Variants in CTNNA2 observed in about 807,000 individuals in gnomAD.
CTNNA2 encodes catenin alpha 2, also known as catenin alpha-2.
Under a neutral mutation model 101.0 loss-of-function variants are expected in CTNNA2, and 42 were observed. The observed-to-expected ratio is 0.42, with a 90% CI of 0.32 to 0.54. The LOEUF (loss-of-function observed/expected upper bound fraction) is 0.54, where lower values mean the gene tolerates loss of function less well. CTNNA2 is among the 20% of genes least tolerant of loss of function. The probability of loss-of-function intolerance (pLI) is 0.14; values close to 1 mark genes in which losing one functional copy is unlikely to be tolerated. For missense variants in CTNNA2, 871 were observed against 1,223.1 expected (o/e 0.71, Z 4.29); for synonymous variants, 450 against 456.4 (o/e 0.99, Z 0.18).
At chr2:79,846,487 T>G (rs772281465) in intron 3 of CTNNA2, among the ~76,000 whole-genome samples, 10 of 152,242 alleles carry the variant, frequency 6.6e-5, no homozygotes, top group Non-Finnish European at 1.5e-4. Context: ...AATTTGGAGA[T>G]GCCGTAATGA....
At chr2:79,899,091 C>T (rs1272998009) in intron 6 of CTNNA2, among the ~76,000 whole-genome samples, 1 of 152,050 alleles carries the variant, frequency 6.6e-6, no homozygotes, top group Non-Finnish European at 1.5e-5. Context: ...GTTCAAAACA[C>T]ACAGAGCTCA....
At chr2:80,520,101 T>A (rs1573112326) in intron 9 of CTNNA2, among the ~76,000 whole-genome samples, 10 of 152,150 alleles carry the variant, frequency 6.6e-5, no homozygotes, top group Admixed American at 6.5e-4. Context: ...CCTCCAGGAA[T>A]GCTGTTAAAA....
intron 9 of CTNNA2, among the ~76,000 whole-genome samples, chr2:80,467,280 G>T (rs572134235): frequency 2.0e-5 from 3 of 151,996 alleles, no homozygotes; most frequent in Non-Finnish European, 4.4e-5. Flanking sequence ...AAATAAGAAA[G>T]ATAAGGAAAA....
intron 7 of CTNNA2, among the ~76,000 whole-genome samples, chr2:79,937,207 TG>T (rs149505149): frequency 0.1 from 15,975 of 152,244 alleles, 1,105 homozygotes; most frequent in East Asian, 0.25. Context: ...CATCAATTTT[TG>T]TTTCAAATGT....
intron 3 of CTNNA2, among the ~76,000 whole-genome samples, chr2:79,749,221 C>G (rs570369335): frequency 1.0e-3 from 152 of 152,236 alleles, no homozygotes; most frequent in Non-Finnish European, 1.7e-3. Flanking sequence ...AGGTGGGCCA[C>G]TCCCAGATTC....
At chr2:79,558,047 G>A (rs993589025) in intron 1 of CTNNA2, among the ~76,000 whole-genome samples, 1 of 151,922 alleles carries the variant, frequency 6.6e-6, no homozygotes, top group Non-Finnish European at 1.5e-5. Flanking sequence ...CGTTCACAAA[G>A]AGACACTTCC....
At chr2:80,500,394 T>A (rs1687791704) in intron 9 of CTNNA2, among the ~76,000 whole-genome samples, 1 of 152,152 alleles carries the variant, frequency 6.6e-6, no homozygotes, top group African/African-American at 2.4e-5. Flanking sequence ...CATTCATCCA[T>A]CCACCCATCC....
chr2:79,521,167 T>A (rs1453554127), intron 1 of CTNNA2, among the ~76,000 whole-genome samples: 4 of 100,478 alleles, frequency 4.0e-5, no homozygotes, highest in South Asian at 3.4e-4. Flanking sequence ...TATATATATA[T>A]AAATTTTAAG....
chr2:79,759,722 C>T (rs1287511224), intron 3 of CTNNA2, among the ~76,000 whole-genome samples: 1 of 152,146 alleles, frequency 6.6e-6, no homozygotes, highest in Non-Finnish European at 1.5e-5. Flanking sequence ...GGGCTCTGAA[C>T]TGAGCTTTGT....
At chr2:80,197,405 C>A (rs1240051914) in intron 7 of CTNNA2, among the ~76,000 whole-genome samples, 2 of 152,170 alleles carry the variant, frequency 1.3e-5, no homozygotes, top group Non-Finnish European at 2.9e-5. Context: ...TTATTGCAGT[C>A]ACATCTTATG....
In CTNNA2 at chr2:80,405,285, G is replaced by A. The variant is rs568945443; in HGVS notation, c.1137+11994G>A. Among the ~76,000 whole-genome samples the A allele has an allele frequency of 4.6e-5, 7 of 152,034 alleles. No homozygotes were observed. The East Asian group carries it at 9.7e-4, about 21-fold the overall frequency. ...TTACTATCAAAAAGATTTTTTTTCC[G>A]AGTAGAGTATTGAAATTCCAATAAT... On this transcript the variant is annotated intron_variant, in intron 8 of 18. Coordinates refer to ENST00000402739, the MANE Select transcript of CTNNA2 (RefSeq NM_001282597.3).
chr2:79,647,777 G>A (rs1680925867), intron 1 of CTNNA2, among the ~76,000 whole-genome samples: 1 of 152,306 alleles, frequency 6.6e-6, no homozygotes, highest in East Asian at 1.9e-4. Context: ...TACAACAGCA[G>A]GCATTTACTT....
intron 3 of CTNNA2, among the ~76,000 whole-genome samples, chr2:79,794,651 A>G (rs1312445472): frequency 6.6e-6 from 1 of 152,204 alleles, no homozygotes; most frequent in South Asian, 2.1e-4. Flanking sequence ...TATAGGTTCT[A>G]TGCTGTACAG....
At chr2:80,119,508 A>G (rs997163929) in intron 7 of CTNNA2, among the ~76,000 whole-genome samples, 14 of 152,220 alleles carry the variant, frequency 9.2e-5, no homozygotes, top group African/African-American at 1.4e-4. Context: ...TAGTTTTGAT[A>G]TGTTCATGTA....
chr2:79,723,807 T>C (rs1374716445), intron 2 of CTNNA2, among the ~76,000 whole-genome samples: 1 of 152,194 alleles, frequency 6.6e-6, no homozygotes, highest in Non-Finnish European at 1.5e-5. Flanking sequence ...TCATTTTCCC[T>C]GCATCTTTTC....
chr2:79,365,811 C>G (rs1023789179), intron 3 of CTNNA2, among the ~76,000 whole-genome samples: 1 of 152,060 alleles, frequency 6.6e-6, no homozygotes, highest in Non-Finnish European at 1.5e-5. Context: ...CTGTCTCCTG[C>G]CAAGAGAGCC....
chr2:79,432,765 A>T (rs758572226), intron 4 of CTNNA2, among the ~76,000 whole-genome samples: 6 of 152,212 alleles, frequency 3.9e-5, no homozygotes, highest in African/African-American at 1.4e-4. Flanking sequence ...AGAGAAACTT[A>T]TTCTCTGTCT....
chr2:79,951,237 GA>G (rs1688857732), intron 7 of CTNNA2, among the ~76,000 whole-genome samples: 1 of 152,114 alleles, frequency 6.6e-6, no homozygotes, highest in Non-Finnish European at 1.5e-5. Context: ...TAATCTGTGG[GA>G]CTTACTAAAA....
chr2:79,198,757 C>G (rs1216242652), intron 2 of CTNNA2, among the ~76,000 whole-genome samples: 1 of 132,022 alleles, frequency 7.6e-6, no homozygotes, highest in East Asian at 2.7e-4. Context: ...TAAAAATAAA[C>G]AAGCAAGTAA....
Sources: gnomAD v4.1 joint callset for allele counts (sites outside exome capture counted in the v4.1 genomes callset) on GRCh38, gnomAD v4.1.1 for gene constraint, MANE v1.5 for transcripts, NCBI Gene and HGNC (gene_info 2026-07-23, HGNC 2026-07-21) for gene names.